Variants in PSG11 observed in about 807,000 individuals in gnomAD.
PSG11 encodes pregnancy specific beta-1-glycoprotein 11.
A neutral mutation model predicts 36.0 loss-of-function variants in PSG11; 42 were observed. The observed-to-expected ratio is 1.17, with a 90% CI of 0.91 to 1.51. PSG11 has a LOEUF of 1.51. Among genes scored for constraint, PSG11 ranks in the 40% most tolerant of loss-of-function variants. PSG11 has a pLI of 0.00. For missense variants in PSG11, 558 were observed against 403.5 expected (o/e 1.38, Z -3.28); for synonymous variants, 206 against 153.5 (o/e 1.34, Z -2.53).
chr19:43,013,301 A>G (rs1368081527), intron 4 of PSG11, among the ~76,000 whole-genome samples: 2 of 151,516 alleles, frequency 1.3e-5, no homozygotes, highest in African/African-American at 2.4e-5. Flanking sequence ...ATCAAAGAAC[A>G]TTATCAAGAA....
Position 43,024,865 on chromosome 19 carries a change from C to T in PSG11, c.256G>A (p.Gly86Ser), listed in dbSNP as rs769897546. Residue 86 changes from glycine to serine, a missense_variant, in exon 2 of 6, where the codon GGT becomes AGT. Physicochemically the swap from Gly to Ser is moderately conservative, Grantham distance 56 (BLOSUM62 0). Transcript: ENST00000320078. ...GCCGGTCCATATATAATTATTTGAC[C>T]GTCTACTACATATGATGTAATGTAA... ...YHYITSYVVDGQIIIYGPAYS... is the reference protein window; with the variant it reads ...YHYITSYVVDSQIIIYGPAYS... The T allele has an allele frequency of 1.4e-5, 22 of 1,611,444 alleles. 1 individual carries two copies. The highest frequency in any genetic ancestry group is 3.3e-5 in the Admixed American group (2 of 59,772).
chr19:43,018,941 A>T lies in PSG11; in HGVS notation c.538T>A (p.Trp180Arg), dbSNP rs564917182. 6.2e-7 allele frequency: 1 copy of T among 1,612,098 alleles called. No homozygotes were observed. Among genetic ancestry groups the T allele is most frequent in the African/African-American group, 1.3e-5 (1 of 74,484 alleles). Reference protein sequence around the residue: ...NPETPDASYLWWMNGQSLPMT... With the variant: ...NPETPDASYLRWMNGQSLPMT... ...GGGAGGCTCTGACCATTCATCCACCACAGGTAGCTTGCGTCCGGAGTCTCA... is the reference window on the plus strand; with the variant it reads ...GGGAGGCTCTGACCATTCATCCACCTCAGGTAGCTTGCGTCCGGAGTCTCA... Residue 180 changes from tryptophan (W) to arginine (R), a missense_variant, in exon 3 of 6, where the codon TGG becomes AGG. Transcript: ENST00000320078.
intron 2 of PSG11, among the ~76,000 whole-genome samples, chr19:43,021,825 C>T (rs1374959458): frequency 4.0e-5 from 6 of 151,300 alleles, no homozygotes; most frequent in Non-Finnish European, 8.8e-5. Context: ...ATGAGTGAAA[C>T]AGGTGAAATG....
intron 3 of PSG11, among the ~76,000 whole-genome samples, chr19:43,016,368 A>C (rs1003420568): frequency 6.0e-5 from 9 of 151,182 alleles, no homozygotes; most frequent in Non-Finnish European, 1.0e-4. Flanking sequence ...TGGCTGGCTC[A>C]CCTTGGGTTC....
Position 43,023,873 on chromosome 19 carries a change from T to A in PSG11, c.430+818A>T, listed in dbSNP as rs986410676. 3.3e-5 allele frequency among the ~76,000 whole-genome samples: 5 copies of A among 151,492 alleles called. 1 individual carries two copies. Among genetic ancestry groups the A allele is most frequent in the African/African-American group, 9.7e-5 (4 of 41,070 alleles). ...AATTATTCACAGTCACCTGACCTAATGCTTGGCACAGTGGAGGTGTTCACA... is the reference window on the plus strand; with the variant it reads ...AATTATTCACAGTCACCTGACCTAAAGCTTGGCACAGTGGAGGTGTTCACA... On this transcript the variant is annotated intron_variant, in intron 2 of 5. Transcript: ENST00000320078.
rs567777272 is a variant in PSG11, at chr19:43,014,425, A to G, written c.964+691T>C. 412 of 952,670 alleles carry G rather than the reference A, an allele frequency of 4.3e-4. 13 individuals are homozygous for G. The African/African-American group carries it at 5.7e-3, about 13-fold the overall frequency. The allele number at this position is 952,670 out of a possible 1,614,324, so 59.0% of individuals were successfully genotyped here. ...GCTGTGCCCACAGCCTCATACAGCC[A>G]GTGACTTCAGAGCCAGGACGCAGCT... On this transcript the variant is annotated intron_variant, in intron 4 of 5. Coordinates refer to ENST00000320078, the MANE Select transcript of PSG11 (RefSeq NM_002785.3).
chr19:43,009,323 G>A (rs1248314148), intron 5 of PSG11, among the ~76,000 whole-genome samples: 1 of 151,200 alleles, frequency 6.6e-6, no homozygotes. Flanking sequence ...ATGGTGGAAG[G>A]GATTTCACTC....
intron 2 of PSG11, chr19:43,019,333 T>G (rs1183597945): frequency 3.7e-6 from 2 of 539,580 alleles, no homozygotes; most frequent in East Asian, 7.9e-5. Flanking sequence ...CCCTGGTGCC[T>G]CTCTGAGTCC....
chr19:43,010,586 T>A (rs896528740), intron 4 of PSG11: 7 of 404,488 alleles, frequency 1.7e-5, no homozygotes, highest in Admixed American at 3.7e-5. Flanking sequence ...GGATTCCTCA[T>A]CAGCCTTGCA....
rs2122833207 is a variant in PSG11 at position 43,024,395 on chromosome 19, A to G, written c.430+296T>C. The G allele has an allele frequency of 3.9e-6, 2 of 514,824 alleles. 1 individual carries two copies. The highest frequency in any genetic ancestry group is 7.4e-5 in the East Asian group (2 of 26,884). The allele number at this position is 514,824 out of a possible 1,614,324, so 31.9% of individuals were successfully genotyped here. ...GTTCTCCAGGGTCTTTCTCAGGGTC[A>G]AATTTATGAAGAGGGCATGAGGTGC... On this transcript the variant is annotated intron_variant, in intron 2 of 5. Coordinates refer to ENST00000320078, the MANE Select transcript of PSG11 (RefSeq NM_002785.3).
At chr19:43,015,450 A>C (rs1454730718) in intron 3 of PSG11, 80 bp from the exon 4 acceptor site, 1 of 1,493,668 alleles carries the variant, frequency 6.7e-7, no homozygotes, top group Non-Finnish European at 9.1e-7. Context: ...GGACACAGTG[A>C]CCCTCTGAGC....
intron 4 of PSG11, chr19:43,014,625 G>C: frequency 9.4e-7 from 1 of 1,062,092 alleles, no homozygotes; most frequent in Non-Finnish European, 1.1e-6. Flanking sequence ...GTCACCAGAG[G>C]AGCCCGGAGC....
At chr19:43,025,832 C>T (rs73557637) in intron 1 of PSG11, among the ~76,000 whole-genome samples, 16 of 149,092 alleles carry the variant, frequency 1.1e-4, no homozygotes, top group African/African-American at 2.5e-4. Context: ...TTACCAATTC[C>T]GGTTCAATGT....
Position 43,024,712 on chromosome 19 carries a change from A to G in PSG11, c.409T>C (p.Tyr137His), listed in dbSNP as rs767974785. The G allele has an allele frequency of 5.6e-6, 9 of 1,610,892 alleles. No individual in the cohort carries two copies. The highest frequency in any genetic ancestry group is 4.0e-5 in the African/African-American group (3 of 74,252). The change falls in exon 2 of 6, where the codon TAT becomes CAT. Residue 137 changes from tyrosine (Y) to histidine (H), a missense_variant. Tyr to His is a moderately conservative substitution (Grantham distance 83). Transcript: ENST00000320078. ...TTACGGTATAAGGTGAAGGTGAAATATCCAGTTACTCCTCTAGTCCCATCA... is the reference window on the plus strand; with the variant it reads ...TTACGGTATAAGGTGAAGGTGAAATGTCCAGTTACTCCTCTAGTCCCATCA... ...RGDGTRGVTG[Y>H]FTFTLYLETP...
chr19:43,009,862 G>C, intron 5 of PSG11, 96 bp downstream of exon 5: 1 of 957,460 alleles, frequency 1.0e-6, no homozygotes, highest in East Asian at 2.5e-5. Flanking sequence ...TGAAGGAGGA[G>C]ATCCAGGCCC....
chr19:43,018,651 T>C, intron 3 of PSG11, 119 bp downstream of exon 3: 1 of 1,597,252 alleles, frequency 6.3e-7, no homozygotes, highest in Non-Finnish European at 8.6e-7. Flanking sequence ...CATGGCCAGC[T>C]TTGATGTCCA....
intron 2 of PSG11, among the ~76,000 whole-genome samples, chr19:43,020,463 A>T (rs1365029068): frequency 2.0e-5 from 3 of 151,230 alleles, no homozygotes; most frequent in East Asian, 1.9e-4. Context: ...TTGTCAGGAG[A>T]TTAGACCTCA....
In PSG11 at chr19:43,023,257, T is replaced by TC. The variant is rs1568492610; in HGVS notation, c.430+1433dup. Among the ~76,000 whole-genome samples, 34 of 148,670 alleles carry TC rather than the reference T, an allele frequency of 2.3e-4. 1 individual carries two copies. In the East Asian group the frequency reaches 3.4e-3, roughly 15 times the overall value. On this transcript the variant is annotated intron_variant, in intron 2 of 5. Coordinates refer to ENST00000320078, the MANE Select transcript of PSG11 (RefSeq NM_002785.3). The stretch of plus-strand genomic sequence containing the variant: ...GCTAGAACCTCCTAGGATTCTGCAT[T>TC]CAAGATCCAGTCTCTAAAGAGGTTT...
At chr19:43,025,099 A>G (rs1967207573) in intron 1 of PSG11, 43 bp from the exon 2 acceptor site, 1 of 1,578,638 alleles carries the variant, frequency 6.3e-7, no homozygotes, top group African/African-American at 1.4e-5. Context: ...AGACCTATGT[A>G]TTGGGGTGAA....
Sources: allele counts gnomAD v4.1 joint callset (sites outside exome capture counted in the v4.1 genomes callset), GRCh38; gene constraint gnomAD v4.1.1; transcripts MANE v1.5; gene names NCBI Gene and HGNC (gene_info 2026-07-23, HGNC 2026-07-21).